Variants in CLSTN2 observed in about 807,000 individuals in gnomAD.
The protein encoded by CLSTN2 is calsyntenin-2.
A neutral mutation model predicts 101.2 loss-of-function variants in CLSTN2; 48 were observed. The ratio of observed to expected loss-of-function variants is 0.47; its 90% CI spans 0.38 to 0.60. The LOEUF (loss-of-function observed/expected upper bound fraction) is 0.60. Ranked by LOEUF, CLSTN2 falls within the 20% of genes least tolerant of loss-of-function variation. The probability of loss-of-function intolerance (pLI) is 0.00; values close to 1 mark genes in which losing one functional copy is unlikely to be tolerated. For missense variants in CLSTN2, 1,160 were observed against 1,238.2 expected (o/e 0.94, Z 0.95); for synonymous variants, 481 against 463.6 (o/e 1.04, Z -0.48).
chr3:140,135,403 T>C (rs900513550), intron 1 of CLSTN2, among the ~76,000 whole-genome samples: 24 of 152,046 alleles, frequency 1.6e-4, no homozygotes, highest in African/African-American at 5.6e-4. Context: ...TCCTTGTGAT[T>C]ATCTCCAGCA....
At chr3:140,448,076 C>T (rs565248542) in intron 5 of CLSTN2, among the ~76,000 whole-genome samples, 144 of 152,200 alleles carry the variant, frequency 9.5e-4, no homozygotes, top group African/African-American at 3.4e-3. Flanking sequence ...ATGGGGGTTG[C>T]CTCTGGTGTG....
chr3:140,481,833 T>G (rs1934123749), intron 8 of CLSTN2, among the ~76,000 whole-genome samples: 1 of 152,262 alleles, frequency 6.6e-6, no homozygotes, highest in Non-Finnish European at 1.5e-5. Context: ...GCCTATCGGC[T>G]TAAGGAGATT....
chr3:140,154,407 A>C (rs1312753106), intron 1 of CLSTN2, among the ~76,000 whole-genome samples: 2 of 152,102 alleles, frequency 1.3e-5, no homozygotes, highest in Non-Finnish European at 2.9e-5. Flanking sequence ...TGGGTATAAT[A>C]AACCATGAGA....
At chr3:140,510,392 G>A (rs558721484) in intron 8 of CLSTN2, among the ~76,000 whole-genome samples, 2 of 152,292 alleles carry the variant, frequency 1.3e-5, no homozygotes, top group African/African-American at 4.8e-5. Flanking sequence ...GTCGCAGCAC[G>A]GTGCTAGAGT....
At chr3:140,129,270 A>T (rs1447824358) in intron 1 of CLSTN2, among the ~76,000 whole-genome samples, 5 of 152,188 alleles carry the variant, frequency 3.3e-5, no homozygotes, top group African/African-American at 1.2e-4. Flanking sequence ...ATGAAAATAC[A>T]GATAAGACAA....
At chr3:140,163,677 G>A (rs1407221695) in intron 1 of CLSTN2, among the ~76,000 whole-genome samples, 1 of 150,908 alleles carries the variant, frequency 6.6e-6, no homozygotes, top group East Asian at 1.9e-4. Context: ...ATCCAGGGAG[G>A]AAATTTCAAT....
rs141317662 is a variant in CLSTN2 at position 140,403,753 on chromosome 3, G to A, written c.357G>A (p.Glu119=). Reference sequence around the variant, plus strand: ...CCATTGACTGTGAGTTGCAGAAGGAGTACACATTCATCATCCAGGCCTATG... The same window carrying A: ...CCATTGACTGTGAGTTGCAGAAGGAATACACATTCATCATCCAGGCCTATG... ...KSPIDCELQK[E]YTFIIQAYDC... The change falls in exon 3 of 17, where the codon GAG becomes GAA. Residue 119 remains glutamate (E), a synonymous_variant. Coordinates refer to ENST00000458420, the MANE Select transcript of CLSTN2 (RefSeq NM_022131.3). 6.6e-5 allele frequency: 107 copies of A among 1,614,060 alleles called. No individual in the cohort carries two copies. In the African/African-American group the frequency reaches 1.1e-3, roughly 16 times the overall value.
At chr3:139,950,529 G>A (rs1043481936) in intron 1 of CLSTN2, among the ~76,000 whole-genome samples, 4 of 152,190 alleles carry the variant, frequency 2.6e-5, no homozygotes, top group Non-Finnish European at 5.9e-5. Context: ...ATCAAGGCTT[G>A]AACTTGGACC....
chr3:140,368,054 A>AT (rs2087812612), intron 2 of CLSTN2, among the ~76,000 whole-genome samples: 1 of 152,136 alleles, frequency 6.6e-6, no homozygotes, highest in Admixed American at 6.6e-5. Flanking sequence ...CTAGGTGATG[A>AT]TTTTTTTATT....
At chr3:140,243,159 G>A (rs750575466) in intron 2 of CLSTN2, among the ~76,000 whole-genome samples, 13 of 152,246 alleles carry the variant, frequency 8.5e-5, no homozygotes, top group African/African-American at 2.4e-4. Context: ...ACCCTCTCCC[G>A]TCATGGCAGA....
At chr3:140,565,293 G>T (rs113097886) in intron 16 of CLSTN2, among the ~76,000 whole-genome samples, 45 of 152,264 alleles carry the variant, frequency 3.0e-4, no homozygotes, top group African/African-American at 1.0e-3. Flanking sequence ...GTAGGATTTG[G>T]GGTAAGGTAG....
At chr3:140,103,958 T>C (rs559799727) in intron 1 of CLSTN2, among the ~76,000 whole-genome samples, 6 of 152,320 alleles carry the variant, frequency 3.9e-5, no homozygotes, top group South Asian at 2.1e-4. Flanking sequence ...AGGACATGAT[T>C]GATGGAGAAA....
intron 8 of CLSTN2, among the ~76,000 whole-genome samples, chr3:140,487,921 C>G (rs1195690241): frequency 6.6e-6 from 1 of 152,206 alleles, no homozygotes; most frequent in Non-Finnish European, 1.5e-5. Context: ...AGTGAGCCCA[C>G]AATAGGGTTA....
intron 2 of CLSTN2, among the ~76,000 whole-genome samples, chr3:140,247,973 A>T (rs2086530794): frequency 6.6e-6 from 1 of 152,152 alleles, no homozygotes; most frequent in Non-Finnish European, 1.5e-5. Flanking sequence ...ATTTTTTAAA[A>T]GCTCCCAGGG....
chr3:140,535,301 T>A (rs1935336171), intron 9 of CLSTN2, among the ~76,000 whole-genome samples: 1 of 152,234 alleles, frequency 6.6e-6, no homozygotes, highest in African/African-American at 2.4e-5. Flanking sequence ...GAAATATTAT[T>A]TGTGGCCCTT....
At chr3:140,476,846 A>G (rs142006828) in intron 8 of CLSTN2, among the ~76,000 whole-genome samples, 1 of 152,192 alleles carries the variant, frequency 6.6e-6, no homozygotes, top group Non-Finnish European at 1.5e-5. Flanking sequence ...TTTTTAGTAC[A>G]GATGGGATTT....
intron 1 of CLSTN2, among the ~76,000 whole-genome samples, chr3:140,040,122 C>T (rs1256721029): frequency 6.6e-6 from 1 of 152,148 alleles, no homozygotes; most frequent in Non-Finnish European, 1.5e-5. Context: ...GTTTTGAATT[C>T]ACCCAGTCTG....
intron 1 of CLSTN2, among the ~76,000 whole-genome samples, chr3:140,131,751 C>G (rs2009525886): frequency 6.6e-6 from 1 of 152,034 alleles, no homozygotes; most frequent in Non-Finnish European, 1.5e-5. Flanking sequence ...GACTTTTCAG[C>G]AAAGCATGGC....
intron 2 of CLSTN2, among the ~76,000 whole-genome samples, chr3:140,377,985 T>C (rs1485617594): frequency 6.6e-6 from 1 of 152,194 alleles, no homozygotes; most frequent in Non-Finnish European, 1.5e-5. Context: ...TACTGAGCCT[T>C]TTCTATGTTT....
Sources: allele counts gnomAD v4.1 joint callset (sites outside exome capture counted in the v4.1 genomes callset), GRCh38; gene constraint gnomAD v4.1.1; transcripts MANE v1.5; gene names NCBI Gene and HGNC (gene_info 2026-07-23, HGNC 2026-07-21).